Variants in ARHGAP45 observed in about 807,000 individuals in gnomAD.
ARHGAP45 encodes the protein rho GTPase-activating protein 45.
Under a neutral mutation model 116.1 loss-of-function variants are expected in ARHGAP45, and 56 were observed. That is an observed-to-expected ratio of 0.48 (90% CI 0.39 to 0.60). ARHGAP45 has a LOEUF of 0.60. Ranked by LOEUF, ARHGAP45 falls within the 20% of genes least tolerant of loss-of-function variation. The probability of loss-of-function intolerance (pLI) is 0.00; values close to 1 mark genes in which losing one functional copy is unlikely to be tolerated. For missense variants in ARHGAP45, 1,622 were observed against 1,601.0 expected (o/e 1.01, Z -0.22); for synonymous variants, 866 against 701.7 (o/e 1.23, Z -3.70).
intron 19 of ARHGAP45, 191 bp from the exon 20 acceptor site, chr19:1,082,649 G>A: frequency 1.8e-6 from 1 of 563,554 alleles, no homozygotes; most frequent in Admixed American, 3.6e-5. Flanking sequence ...AGCTGCGGGC[G>A]TGGCCCGGGT....
rs2145072442 is a variant in ARHGAP45, at chr19:1,081,057, G to A, written c.2183G>A (p.Cys728Tyr). The change falls in exon 17 of 23, where the codon TGT becomes TAT. Residue 728 changes from cysteine (C) to tyrosine (Y), a missense_variant. By Grantham distance (194) the Cys-to-Tyr change is radical. Coordinates refer to ENST00000313093, the MANE Select transcript of ARHGAP45 (RefSeq NM_012292.5). ...NSYVYFQGAE[C>Y]EECCLACHKK... ...TACGTCTACTTCCAGGGTGCTGAGTGTGAAGAGGTGAGTGGGACGCCCCGA... is the reference window on the plus strand; with the variant it reads ...TACGTCTACTTCCAGGGTGCTGAGTATGAAGAGGTGAGTGGGACGCCCCGA... The A allele has an allele frequency of 1.9e-6, 3 of 1,605,816 alleles. No individual in the cohort carries two copies. Among genetic ancestry groups the A allele is most frequent in the Non-Finnish European group, 2.5e-6 (3 of 1,177,362 alleles).
rs1421235430 is a variant in ARHGAP45, at chr19:1,080,707, G to A, written c.1938G>A (p.Thr646=). Reference sequence around the variant, plus strand: ...GGGACTTTAAGAAGTTCGAGCGGACGTCATCCAGTGGTACCATGTCGTCCA... The same window carrying A: ...GGGACTTTAAGAAGTTCGAGCGGACATCATCCAGTGGTACCATGTCGTCCA... The part of the protein sequence containing the change: ...GAGDFKKFER[T]SSSGTMSSTE... Residue 646 remains threonine, a synonymous_variant, in exon 16 of 23, where the codon ACG becomes ACA. Coordinates refer to ENST00000313093, the MANE Select transcript of ARHGAP45 (RefSeq NM_012292.5). The A allele has an allele frequency of 2.5e-6, 4 of 1,613,418 alleles. No individual in the cohort carries two copies. The highest frequency in any genetic ancestry group is 1.1e-5 in the South Asian group (1 of 91,094).
chr19:1,086,610 TAAAA>T lies in ARHGAP45; in HGVS notation c.*606_*609del, dbSNP rs759776995. ...CACAGGCACGTTTATTTTGCTGAAATAAAAAGTTTTTAATCGGGTGTTTTCTGTG... is the reference window on the plus strand; with the variant it reads ...CACAGGCACGTTTATTTTGCTGAAATAGTTTTTAATCGGGTGTTTTCTGTG... On this transcript the variant is annotated 3_prime_UTR_variant, in exon 23 of 23. Transcript: ENST00000313093. 1 of 151,830 alleles carries T rather than the reference TAAAA, an allele frequency of 6.6e-6. No homozygotes were observed. Among genetic ancestry groups the T allele is most frequent in the African/African-American group, 2.4e-5 (1 of 41,392 alleles). 9.4% of individuals were successfully genotyped at this position (151,830 alleles called of 1,614,324 possible). A position where few individuals can be genotyped will look rare whatever the true frequency, so the allele number is the denominator to read the frequency against.
At position 1,085,826 on chromosome 19, in the gene ARHGAP45, G is replaced by A. The variant is rs2043615182; in HGVS notation, c.3231G>A (p.Gln1077=). ...GCAGCCACAGCGGCAGTGAGGAGCA[G>A]CTGGAGGCCACAGCCCGGGAGGACG... ...ASGSHSGSEE[Q]LEATAREDGD... is the part of the protein sequence containing the mutation. Residue 1077 remains glutamine, a synonymous_variant, in exon 23 of 23, where the codon CAG becomes CAA. Coordinates refer to ENST00000313093, the MANE Select transcript of ARHGAP45 (RefSeq NM_012292.5). 6.2e-7 allele frequency: 1 copy of A among 1,612,614 alleles called. No homozygotes were observed.
At chr19:1,066,833 C>CGG (rs79573657), upstream of ARHGAP45, among the ~76,000 whole-genome samples, 88,745 of 151,480 alleles carry the variant, frequency 0.59, 26,400 homozygotes, top group East Asian at 0.72. Context: ...GGCGGTGGAG[C>CGG]GGGCTTGCCT....
chr19:1,082,577 C>T (rs72618591), intron 19 of ARHGAP45: 2 of 512,354 alleles, frequency 3.9e-6, no homozygotes, highest in Admixed American at 7.6e-5. Context: ...CTGAGTGGAG[C>T]CGGAGCTCGT....
At position 1,073,731 on chromosome 19, in the gene ARHGAP45, TG is replaced by T. The variant is rs1568458884; in HGVS notation, c.712del (p.Asp238ThrfsTer59). 2 of 1,595,176 alleles carry T rather than the reference TG, an allele frequency of 1.3e-6. No individual in the cohort carries two copies. The highest frequency in any genetic ancestry group is 1.1e-5 in the South Asian group (1 of 88,510). Reference protein sequence around the residue: ...DSSTLLAVPPGDSSQSMESLY... With the variant: ...DSSTLLAVPPXDSSQSMESLY... ...GCAGCACCCTCCTAGCAGTGCCTCC[TG>T]GGGACTCGAGCCAGGTGAGTGGGGT... On this transcript the variant is annotated frameshift_variant, in exon 5 of 23. Coordinates refer to ENST00000313093, the MANE Select transcript of ARHGAP45 (RefSeq NM_012292.5). LOFTEE classifies it high-confidence loss of function.
At position 1,085,691 on chromosome 19, in the gene ARHGAP45, G is replaced by T. The variant is rs149960692; in HGVS notation, c.3096G>T (p.Ser1032=). 3 of 1,590,638 alleles carry T rather than the reference G, an allele frequency of 1.9e-6. No homozygotes were observed. Among genetic ancestry groups the T allele is most frequent in the South Asian group, 2.2e-5 (2 of 89,658 alleles). ...ESRVVSNDSD[S]DLEEASELLS... ...GAGTTGTGTCCAACGATTCGGACTC[G>T]GACCTAGAGGAGGCCTCCGAGCTGC... The change falls in exon 23 of 23, where the codon TCG becomes TCT. Residue 1032 remains serine (S), a synonymous_variant. Transcript: ENST00000313093.
At position 1,067,458 on chromosome 19, in the gene ARHGAP45, A is replaced by G. The variant is rs1387997904; in HGVS notation, c.53A>G (p.Lys18Arg). ...ELMKTPSISK[K>R]NRAGSPSPQP... ...ATGAAAACCCCTTCCATCTCGAAAAAGAACCGCGCGGGAAGCCCCAGCCCG... is the reference window on the plus strand; with the variant it reads ...ATGAAAACCCCTTCCATCTCGAAAAGGAACCGCGCGGGAAGCCCCAGCCCG... Residue 18 changes from lysine (K) to arginine (R), a missense_variant, in exon 1 of 23, where the codon AAG (lysine) becomes AGG (arginine). Around this residue, in one of 3 missense-constraint regions of ARHGAP45, gnomAD observed 279 missense variants for 311.9 expected, o/e 0.89. Coordinates refer to ENST00000313093, the MANE Select transcript of ARHGAP45 (RefSeq NM_012292.5). The G allele has an allele frequency of 2.5e-6, 4 of 1,605,224 alleles. No individual in the cohort carries two copies. The highest frequency in any genetic ancestry group is 3.4e-6 in the Non-Finnish European group (4 of 1,176,454).
At position 1,086,112 on chromosome 19, in the gene ARHGAP45, G is replaced by C. The variant is rs1001267275; in HGVS notation, c.*106G>C. The C allele has an allele frequency of 4.8e-6, 5 of 1,041,722 alleles. No individual in the cohort carries two copies. The East Asian group carries it at 1.2e-4, about 26-fold the overall frequency. The allele number at this position is 1,041,722 out of a possible 1,614,324, so 64.5% of individuals were successfully genotyped here. A position where few individuals can be genotyped will look rare whatever the true frequency, so the allele number is the denominator to read the frequency against. On this transcript the variant is annotated 3_prime_UTR_variant, in exon 23 of 23. Coordinates refer to ENST00000313093, the MANE Select transcript of ARHGAP45 (RefSeq NM_012292.5). ...AGCTTAGGTGCGCCGTCCTGGGGTC[G>C]CTGCCGAGAGCGCCTGGACTTCGAC...
At chr19:1,082,685 T>C in intron 19 of ARHGAP45, 155 bp from the exon 20 acceptor site, 1 of 613,086 alleles carries the variant, frequency 1.6e-6, no homozygotes. Context: ...CACGCTGGGC[T>C]GGGAAAGGGG....
chr19:1,080,334 G>C lies in ARHGAP45; in HGVS notation c.1783G>C (p.Glu595Gln). Reference sequence around the variant, plus strand: ...GCCGGAGGCTGCCGGGAGCCCCCCAGAAGAAGGCGGGTGCACTGAGGGCAC... The same window carrying C: ...GCCGGAGGCTGCCGGGAGCCCCCCACAAGAAGGCGGGTGCACTGAGGGCAC... ...ARPEAAGSPPEEGGCTEGTPA... is the reference protein window; with the variant it reads ...ARPEAAGSPPQEGGCTEGTPA... Residue 595 changes from glutamate (E) to glutamine (Q), a missense_variant, in exon 14 of 23, where the codon GAA (glutamate) becomes CAA (glutamine). Glu to Gln is a conservative substitution (Grantham distance 29, BLOSUM62 2). Coordinates refer to ENST00000313093, the MANE Select transcript of ARHGAP45 (RefSeq NM_012292.5). 1 of 1,609,810 alleles carries C rather than the reference G, an allele frequency of 6.2e-7. No individual in the cohort carries two copies. Among genetic ancestry groups the C allele is most frequent in the Non-Finnish European group, 8.5e-7 (1 of 1,179,296 alleles).
rs762293283 is a variant in ARHGAP45, at chr19:1,068,455, A to T, written c.132A>T (p.Gly44=). The T allele has an allele frequency of 1.3e-6, 2 of 1,582,134 alleles. No homozygotes were observed. The highest frequency in any genetic ancestry group is 2.3e-5 in the South Asian group (2 of 87,376). ...ATGGGGCTGACGCGGTGTTCCCCGG[A>T]CCAAGCCTGGAGCCGCCCGCTGGGT... is the stretch of plus-strand genomic sequence containing the variant. ...RKDGADAVFP[G]PSLEPPAGSS... Residue 44 remains glycine, a synonymous_variant, in exon 2 of 23, where the codon GGA becomes GGT. Transcript: ENST00000313093. The surrounding 1 kb of genome is among the most constrained non-coding windows in gnomAD (Gnocchi z 7.5).
At chr19:1,084,039 G>A (rs920774093) in intron 21 of ARHGAP45, among the ~76,000 whole-genome samples, 199 bp from the exon 22 acceptor site, 2 of 152,092 alleles carry the variant, frequency 1.3e-5, no homozygotes, top group Non-Finnish European at 2.9e-5. Context: ...CACTGCACGC[G>A]GCGTCTCGTA....
At chr19:1,077,027 C>T (rs963664977) in intron 10 of ARHGAP45, 43 of 985,214 alleles carry the variant, frequency 4.4e-5, no homozygotes, top group Non-Finnish European at 1.3e-5. Flanking sequence ...TGGCGCCTGG[C>T]GGTCTCCTAG....
intron 10 of ARHGAP45, among the ~76,000 whole-genome samples, chr19:1,075,848 C>T (rs2043235933): frequency 6.6e-6 from 1 of 152,156 alleles, no homozygotes; most frequent in Non-Finnish European, 1.5e-5. Flanking sequence ...TGTGTTAACA[C>T]GGTCTGCAGT....
At position 1,081,063 on chromosome 19, in the gene ARHGAP45, A is replaced by G; in HGVS notation, c.2189A>G (p.Glu730Gly). ...TACTTCCAGGGTGCTGAGTGTGAAG[A>G]GGTGAGTGGGACGCCCCGACGGACA... Reference protein sequence around the residue: ...YVYFQGAECEECCLACHKKCL... With the variant: ...YVYFQGAECEGCCLACHKKCL... Residue 730 changes from glutamate to glycine, a missense_variant and splice_region_variant, in exon 17 of 23, where the codon GAG becomes GGG. Physicochemically the swap from Glu to Gly is moderately conservative, Grantham distance 98. Transcript: ENST00000313093. The G allele has an allele frequency of 1.2e-6, 2 of 1,603,158 alleles. No homozygotes were observed. Among genetic ancestry groups the G allele is most frequent in the Non-Finnish European group, 1.7e-6 (2 of 1,175,734 alleles).
chr19:1,066,851 A>C (rs2043040695), upstream of ARHGAP45, among the ~76,000 whole-genome samples: 6 of 151,832 alleles, frequency 4.0e-5, no homozygotes, highest in East Asian at 1.2e-3. Context: ...CCTTCAGGGA[A>C]AAGGGGGCTG....
chr19:1,083,171 A>T lies in ARHGAP45; in HGVS notation c.2773A>T (p.Met925Leu). Residue 925 changes from methionine (M) to leucine (L), a missense_variant, in exon 21 of 23, where the codon ATG becomes TTG. By Grantham distance (15) the Met-to-Leu change is conservative. This residue lies in a region of ARHGAP45 where 1,334 missense variants were observed against 1,263.8 expected (regional missense o/e 1.06). Coordinates refer to ENST00000313093, the MANE Select transcript of ARHGAP45 (RefSeq NM_012292.5). ...RIVEVEQDNKMTPGNLGIVFG... is the reference protein window; with the variant it reads ...RIVEVEQDNKLTPGNLGIVFG... ...CGTGGAGGTGGAGCAGGACAACAAG[A>T]TGACCCCCGGGAACCTGGGCATCGT... 6.2e-7 allele frequency: 1 copy of T among 1,610,658 alleles called. No homozygotes were observed. Among genetic ancestry groups the T allele is most frequent in the Non-Finnish European group, 8.5e-7 (1 of 1,179,508 alleles).
Sources: allele counts gnomAD v4.1 joint callset (sites outside exome capture counted in the v4.1 genomes callset), GRCh38; gene constraint gnomAD v4.1.1; regional missense constraint gnomAD v4.1.1; non-coding constraint Gnocchi (gnomAD v3.1); transcripts MANE v1.5; gene names NCBI Gene and HGNC (gene_info 2026-07-23, HGNC 2026-07-21).